LRRC4C: variants seen among roughly 807,000 people sequenced by gnomAD.
The protein encoded by LRRC4C is leucine-rich repeat-containing protein 4C.
A neutral mutation model predicts 33.6 loss-of-function variants in LRRC4C; 5 were observed. The observed-to-expected ratio is 0.15, with a 90% CI of 0.08 to 0.31. The LOEUF is 0.31. LRRC4C is among the 10% of genes least tolerant of loss of function. LRRC4C has a pLI of 1.00. For missense variants in LRRC4C, 560 were observed against 796.7 expected (o/e 0.70, Z 3.58); for synonymous variants, 329 against 302.0 (o/e 1.09, Z -0.93).
At chr11:40,609,875 GA>G (rs1961025612) in intron 3 of LRRC4C, among the ~76,000 whole-genome samples, 1 of 151,868 alleles carries the variant, frequency 6.6e-6, no homozygotes, top group Non-Finnish European at 1.5e-5. Flanking sequence ...ACGGAAGGAC[GA>G]GTTAGAAGAC....
intron 3 of LRRC4C, among the ~76,000 whole-genome samples, chr11:40,639,810 G>A (rs903599686): frequency 9.2e-5 from 14 of 152,164 alleles, no homozygotes; most frequent in African/African-American, 1.7e-4. Flanking sequence ...ATGAATTCCC[G>A]TGATTTTTCA....
chr11:41,002,967 A>G (rs2137409443), intron 1 of LRRC4C, among the ~76,000 whole-genome samples: 2 of 152,308 alleles, frequency 1.3e-5, no homozygotes, highest in East Asian at 1.9e-4. Flanking sequence ...TCTGTTATAC[A>G]TTATACATGT....
intron 2 of LRRC4C, among the ~76,000 whole-genome samples, chr11:40,819,402 A>G (rs929053270): frequency 1.3e-5 from 2 of 152,126 alleles, no homozygotes; most frequent in Non-Finnish European, 2.9e-5. Context: ...GAATTCTGCT[A>G]CTTCCCCACT....
chr11:40,689,828 T>C (rs1377307666), intron 2 of LRRC4C, among the ~76,000 whole-genome samples: 2 of 152,142 alleles, frequency 1.3e-5, no homozygotes, highest in East Asian at 1.9e-4. Context: ...TCTGAAATTA[T>C]GTTTTCTCCT....
intron 3 of LRRC4C, among the ~76,000 whole-genome samples, chr11:40,457,009 T>G (rs1952162575): frequency 1.3e-5 from 2 of 151,574 alleles, no homozygotes; most frequent in African/African-American, 4.8e-5. Flanking sequence ...TGCAAAGTAA[T>G]TTAGAACCTG....
At chr11:40,848,071 GTCTATCTA>G (rs149051046) in intron 2 of LRRC4C, among the ~76,000 whole-genome samples, 13 of 150,232 alleles carry the variant, frequency 8.7e-5, no homozygotes, top group South Asian at 2.1e-4. Context: ...CTGGCTAGTG[GTCTATCTA>G]TCTATCTTTT....
At chr11:41,091,467 A>T (rs1373661560) in intron 1 of LRRC4C, among the ~76,000 whole-genome samples, 1 of 152,044 alleles carries the variant, frequency 6.6e-6, no homozygotes. Flanking sequence ...CGAAATCAGG[A>T]ATCTCTAACT....
chr11:41,375,407 G>A (rs1299231355), intron 1 of LRRC4C, among the ~76,000 whole-genome samples: 1 of 152,046 alleles, frequency 6.6e-6, no homozygotes, highest in African/African-American at 2.4e-5. Flanking sequence ...AGACTGAACC[G>A]CTGTTAGTAG....
intron 1 of LRRC4C, among the ~76,000 whole-genome samples, chr11:40,994,053 CT>C (rs10552924): frequency 0.17 from 24,490 of 144,528 alleles, 2,118 homozygotes; most frequent in Middle Eastern, 0.22. Context: ...TTGGAATGTA[CT>C]TTTTTTTTTT....
intron 1 of LRRC4C, among the ~76,000 whole-genome samples, chr11:41,356,751 T>C (rs1434612898): frequency 6.6e-6 from 1 of 152,144 alleles, no homozygotes. Context: ...ATGTTGCATA[T>C]TATAATAGTC....
chr11:40,547,171 C>T (rs1176650968), intron 3 of LRRC4C, among the ~76,000 whole-genome samples: 2 of 152,120 alleles, frequency 1.3e-5, no homozygotes, highest in Non-Finnish European at 2.9e-5. Flanking sequence ...CCAACAATAA[C>T]AACAGCTATA....
intron 2 of LRRC4C, among the ~76,000 whole-genome samples, chr11:40,728,876 T>C (rs1242833666): frequency 1.3e-5 from 2 of 149,270 alleles, no homozygotes; most frequent in African/African-American, 5.0e-5. Context: ...TGAATTAACA[T>C]AGAAGGAGAA....
chr11:40,480,175 A>G (rs2138393793), intron 3 of LRRC4C, among the ~76,000 whole-genome samples: 1 of 152,160 alleles, frequency 6.6e-6, no homozygotes, highest in South Asian at 2.1e-4. Context: ...GAATTGGCCT[A>G]ATATAGAGGA....
intron 2 of LRRC4C, among the ~76,000 whole-genome samples, chr11:40,907,819 G>A (rs1377483100): frequency 2.6e-5 from 4 of 152,274 alleles, no homozygotes; most frequent in East Asian, 3.9e-4. Context: ...GCTTAAAAGC[G>A]TAACTTGTTT....
intron 1 of LRRC4C, among the ~76,000 whole-genome samples, chr11:41,431,991 G>T (rs907198530): frequency 6.6e-6 from 1 of 152,076 alleles, no homozygotes. Flanking sequence ...ATTCATTTCC[G>T]CTAGAGGGGC....
At chr11:40,216,688 G>A (rs1864003642) in intron 5 of LRRC4C, among the ~76,000 whole-genome samples, 1 of 152,134 alleles carries the variant, frequency 6.6e-6, no homozygotes. Context: ...AAAGCGTTCT[G>A]TGAATTTCCC....
chr11:40,987,681 T>TATATATG (rs1853160156), intron 1 of LRRC4C, among the ~76,000 whole-genome samples: 32 of 74,644 alleles, frequency 4.3e-4, no homozygotes, highest in African/African-American at 1.1e-3. Flanking sequence ...AAATGATATA[T>TATATATG]ATATATATAT....
intron 2 of LRRC4C, among the ~76,000 whole-genome samples, chr11:40,879,155 T>C (rs2136004792): frequency 6.6e-6 from 1 of 152,308 alleles, no homozygotes; most frequent in Admixed American, 6.5e-5. Context: ...TCATGATCAC[T>C]GGAAAATCAG....
At chr11:41,072,933 G>A (rs1938816004) in intron 1 of LRRC4C, among the ~76,000 whole-genome samples, 1 of 152,060 alleles carries the variant, frequency 6.6e-6, no homozygotes, top group African/African-American at 2.4e-5. Context: ...TATTGGGATT[G>A]CAAATGTTTT....
Sources: allele counts gnomAD v4.1 joint callset (sites outside exome capture counted in the v4.1 genomes callset), GRCh38; gene constraint gnomAD v4.1.1; transcripts MANE v1.5; gene names NCBI Gene and HGNC (gene_info 2026-07-23, HGNC 2026-07-21).